The following MYT1 variants were observed in gnomAD, a reference collection of about 807,000 sequenced individuals.
The protein encoded by MYT1 is myelin transcription factor 1, also known as myelin transcription factor I.
In MYT1, 23 loss-of-function variants were observed where a neutral mutation model predicts 123.0. The observed-to-expected ratio is 0.19, with a 90% CI of 0.13 to 0.26. The LOEUF is 0.26. Among genes scored for constraint, MYT1 ranks in the 10% least tolerant of loss-of-function variants. The probability of loss-of-function intolerance (pLI) is 1.00; values close to 1 mark genes in which losing one functional copy is unlikely to be tolerated. For synonymous variants in MYT1, 518 were observed against 575.3 expected (o/e 0.90, Z 1.43); for missense variants, 1,125 against 1,472.5 (o/e 0.76, Z 3.86).
chr20:64,231,714 C>A lies in MYT1; in HGVS notation c.2676-450C>A, dbSNP rs1298468276. 3.3e-5 allele frequency among the ~76,000 whole-genome samples: 5 copies of A among 152,280 alleles called. No homozygotes were observed. The highest frequency in any genetic ancestry group is 7.4e-5 in the Non-Finnish European group (5 of 68,012). On this transcript the variant is annotated intron_variant, in intron 18 of 22. Coordinates refer to ENST00000328439, the MANE Select transcript of MYT1 (RefSeq NM_004535.3). This position sits in a 1 kb window ranked among gnomAD's most constrained non-coding sequence, Gnocchi z 6.4. ...CCCCTGCTTAGGGGACCTTGTCATT[C>A]TTTTGTGATCCATAGGCCCCCAGGC...
At position 64,213,841 on chromosome 20, in the gene MYT1, G is replaced by A. The variant is rs1983756886; in HGVS notation, c.1631+194G>A. Among the ~76,000 whole-genome samples the A allele has an allele frequency of 6.6e-6, 1 of 152,200 alleles. No individual in the cohort carries two copies. The highest frequency in any genetic ancestry group is 2.4e-5 in the African/African-American group (1 of 41,442). On this transcript the variant is annotated intron_variant, in intron 10 of 22. Transcript: ENST00000328439. This position sits in a 1 kb window ranked among gnomAD's most constrained non-coding sequence, Gnocchi z 5.6. Reference sequence around the variant, plus strand: ...AGCAGAACTGCGGGGCAGTTTTGGAGCCACACAGGACAGAGTCTCATGTCT... The same window carrying A: ...AGCAGAACTGCGGGGCAGTTTTGGAACCACACAGGACAGAGTCTCATGTCT...
chr20:64,202,311 G>C lies in MYT1; in HGVS notation c.86+2389G>C, dbSNP rs1453790771. ...TGCCTGAGCGAAGAAGCAGTTTGAT[G>C]GTTTTTCCTTTCACCCCATCGGGAG... is the stretch of plus-strand genomic sequence containing the variant. On this transcript the variant is annotated intron_variant, in intron 4 of 22. Transcript: ENST00000328439. This position sits in a 1 kb window ranked among gnomAD's most constrained non-coding sequence, Gnocchi z 5.0. Among the ~76,000 whole-genome samples, 1 of 152,180 alleles carries C rather than the reference G, an allele frequency of 6.6e-6. No homozygotes were observed. The highest frequency in any genetic ancestry group is 1.5e-5 in the Non-Finnish European group (1 of 68,036).
Position 64,166,554 on chromosome 20 carries a change from G to A in MYT1, c.-99+1815G>A, listed in dbSNP as rs1444806698. Among the ~76,000 whole-genome samples, 1 of 152,092 alleles carries A rather than the reference G, an allele frequency of 6.6e-6. No homozygotes were observed. Among genetic ancestry groups the A allele is most frequent in the African/African-American group, 2.4e-5 (1 of 41,428 alleles). ...GCCTGGTAGCCCTCTTCAGAGACCC[G>A]AGGCAGGGGGGCTGCTTCTGTCCAA... On this transcript the variant is annotated intron_variant, in intron 1 of 22. Coordinates refer to ENST00000328439, the MANE Select transcript of MYT1 (RefSeq NM_004535.3). This position sits in a 1 kb window ranked among gnomAD's most constrained non-coding sequence, Gnocchi z 4.9.
Position 64,208,624 on chromosome 20 carries a change from AC to A in MYT1, c.1291+138del. Reference sequence around the variant, plus strand: ...AAGCAGACAAAAGGACAAATACATGACACAGACTGTGGTCAGATACTGAGCA... The same window carrying A: ...AAGCAGACAAAAGGACAAATACATGAACAGACTGTGGTCAGATACTGAGCA... On this transcript the variant is annotated intron_variant, in intron 7 of 22. Coordinates refer to ENST00000328439, the MANE Select transcript of MYT1 (RefSeq NM_004535.3). The surrounding 1 kb of genome is among the most constrained non-coding windows in gnomAD (Gnocchi z 5.4). 7.2e-7 allele frequency: 1 copy of A among 1,387,508 alleles called. No homozygotes were observed. Among genetic ancestry groups the A allele is most frequent in the Non-Finnish European group, 9.5e-7 (1 of 1,052,014 alleles). The allele number at this position is 1,387,508 out of a possible 1,614,324, so 85.9% of individuals were successfully genotyped here.
In MYT1 at chr20:64,211,903, G is replaced by A. The variant is rs191004786; in HGVS notation, c.1427-145G>A. On this transcript the variant is annotated intron_variant, in intron 8 of 22. Coordinates refer to ENST00000328439, the MANE Select transcript of MYT1 (RefSeq NM_004535.3). ...GGCTCTTGGGGGCTGGAGCTGCCCT[G>A]CGTTGCTGTGTCCCCCACCTGCCTA... 3.8e-3 allele frequency: 2,610 copies of A among 690,584 alleles called. 7 individuals carry two copies. Among genetic ancestry groups the A allele is most frequent in the Non-Finnish European group, 5.0e-3 (1,919 of 384,912 alleles). The allele number at this position is 690,584 out of a possible 1,614,324, so 42.8% of individuals were successfully genotyped here. A position where few individuals can be genotyped will look rare whatever the true frequency, so the allele number is the denominator to read the frequency against.
At position 64,237,439 on chromosome 20, in the gene MYT1, A is replaced by G. The variant is rs1476655832; in HGVS notation, c.3093+49A>G. 3 of 1,426,878 alleles carry G rather than the reference A, an allele frequency of 2.1e-6. No homozygotes were observed. The African/African-American group carries it at 4.2e-5, about 20-fold the overall frequency. The allele number at this position is 1,426,878 out of a possible 1,614,324, so 88.4% of individuals were successfully genotyped here. On this transcript the variant is annotated intron_variant, in intron 21 of 22. Transcript: ENST00000328439. ...CTGGGCTCTTTGCCCACCCAACCCA[A>G]ACATTCGTCTTGGGGACAGTGAGGC...
chr20:64,224,860 A>G (rs1984122899), intron 16 of MYT1, among the ~76,000 whole-genome samples: 1 of 152,192 alleles, frequency 6.6e-6, no homozygotes, highest in Non-Finnish European at 1.5e-5. Context: ...AAATGTCACC[A>G]TGTCCTTTCT....
intron 1 of MYT1, among the ~76,000 whole-genome samples, chr20:64,172,709 A>G (rs1982322266): frequency 6.6e-6 from 1 of 150,460 alleles, no homozygotes; most frequent in African/African-American, 2.4e-5. Flanking sequence ...AGACGCCCCC[A>G]AACCCAGTGC....
chr20:64,204,630 T>C (rs1983426567), intron 4 of MYT1, among the ~76,000 whole-genome samples: 1 of 152,214 alleles, frequency 6.6e-6, no homozygotes, highest in African/African-American at 2.4e-5. Flanking sequence ...ATAGGCCTTA[T>C]GGCATTAGTG....
Position 64,193,669 on chromosome 20 carries a change from C to T in MYT1, c.-1+3509C>T, listed in dbSNP as rs531656004. Among the ~76,000 whole-genome samples the T allele has an allele frequency of 5.9e-5, 9 of 152,162 alleles. No homozygotes were observed. The South Asian group carries it at 1.5e-3, about 25-fold the overall frequency. On this transcript the variant is annotated intron_variant, in intron 2 of 22. Coordinates refer to ENST00000328439, the MANE Select transcript of MYT1 (RefSeq NM_004535.3). The surrounding 1 kb of genome is among the most constrained non-coding windows in gnomAD (Gnocchi z 4.0). ...CAGTTTCTGGCCACCTCCTCACCCCCCACTCTTCACTGGCCCCTTCCTTCT... is the reference window on the plus strand; with the variant it reads ...CAGTTTCTGGCCACCTCCTCACCCCTCACTCTTCACTGGCCCCTTCCTTCT...
At chr20:64,215,239 G>C (rs1175281448) in intron 10 of MYT1, among the ~76,000 whole-genome samples, 2 of 152,174 alleles carry the variant, frequency 1.3e-5, no homozygotes, top group South Asian at 4.1e-4. Flanking sequence ...TGTCAAACAG[G>C]CTCCAACTTT....
At chr20:64,240,171 C>A in intron 22 of MYT1, 149 bp from the exon 23 acceptor site, 1 of 1,181,404 alleles carries the variant, frequency 8.5e-7, no homozygotes, top group Non-Finnish European at 1.2e-6. Context: ...GCTGGGATGG[C>A]TGCAGAGAGG....
Position 64,232,322 on chromosome 20 carries a change from C to G in MYT1, c.2834C>G (p.Thr945Ser). The change falls in exon 19 of 23, where the codon ACC becomes AGC. Residue 945 changes from threonine to serine, a missense_variant. Thr to Ser is a moderately conservative substitution (Grantham distance 58). Transcript: ENST00000328439. This position sits in a 1 kb window ranked among gnomAD's most constrained non-coding sequence, Gnocchi z 6.9. ...AAGTCCCTGAAGAATGAAGGACCGA[C>G]CTGCCCCACCCCGGGCTGTGACGGC... Reference protein sequence around the residue: ...SWKSLKNEGPTCPTPGCDGSG... With the variant: ...SWKSLKNEGPSCPTPGCDGSG... 1 of 1,613,044 alleles carries G rather than the reference C, an allele frequency of 6.2e-7. No individual in the cohort carries two copies. The highest frequency in any genetic ancestry group is 8.5e-7 in the Non-Finnish European group (1 of 1,180,006).
chr20:64,233,019 G>A (rs1984368673), intron 19 of MYT1, among the ~76,000 whole-genome samples: 1 of 151,430 alleles, frequency 6.6e-6, no homozygotes, highest in South Asian at 2.1e-4. Context: ...TGGTGACAAT[G>A]AGTGCCTGGT....
chr20:64,197,819 T>C (rs1983167790), intron 2 of MYT1, among the ~76,000 whole-genome samples: 1 of 152,198 alleles, frequency 6.6e-6, no homozygotes. Context: ...CGGACAATGC[T>C]GTGGGCAGTG....
chr20:64,218,776 A>C lies in MYT1; in HGVS notation c.1847-135A>C. 25 of 1,102,082 alleles carry C rather than the reference A, an allele frequency of 2.3e-5. No individual in the cohort carries two copies. Among genetic ancestry groups the C allele is most frequent in the East Asian group, 5.6e-5 (2 of 35,994 alleles). The allele number at this position is 1,102,082 out of a possible 1,614,324, so 68.3% of individuals were successfully genotyped here. On this transcript the variant is annotated intron_variant, in intron 11 of 22. Coordinates refer to ENST00000328439, the MANE Select transcript of MYT1 (RefSeq NM_004535.3). This position sits in a 1 kb window ranked among gnomAD's most constrained non-coding sequence, Gnocchi z 4.0. ...GCCCCCTCCCCACTGACTTGTCTGCATTGCTGCCTCTTTTCAAGTTGTATA... is the reference window on the plus strand; with the variant it reads ...GCCCCCTCCCCACTGACTTGTCTGCCTTGCTGCCTCTTTTCAAGTTGTATA...
In MYT1 at chr20:64,241,245, TG is replaced by T. The variant is rs1437697220; in HGVS notation, c.*798del. On this transcript the variant is annotated 3_prime_UTR_variant, in exon 23 of 23. Coordinates refer to ENST00000328439, the MANE Select transcript of MYT1 (RefSeq NM_004535.3). The surrounding 1 kb of genome is among the most constrained non-coding windows in gnomAD (Gnocchi z 4.2). ...TCCACCCAGGCCCCCGACCCATCAC[TG>T]CCACATTCTCCGGGTCATGGCCGAG... The T allele has an allele frequency of 6.6e-6, 1 of 152,238 alleles. No individual in the cohort carries two copies. Among genetic ancestry groups the T allele is most frequent in the Non-Finnish European group, 1.5e-5 (1 of 68,046 alleles). The allele number at this position is 152,238 out of a possible 1,614,324, so 9.4% of individuals were successfully genotyped here.
chr20:64,191,568 A>G lies in MYT1; in HGVS notation c.-1+1408A>G, dbSNP rs1982971868. ...GCGTAGGGTGTAGGCAAGGAGGGCT[A>G]TGCAGTTGTAGTGGGAACTTCATTT... On this transcript the variant is annotated intron_variant, in intron 2 of 22. Coordinates refer to ENST00000328439, the MANE Select transcript of MYT1 (RefSeq NM_004535.3). This position sits in a 1 kb window ranked among gnomAD's most constrained non-coding sequence, Gnocchi z 4.1. 6.6e-6 allele frequency: 1 copy of G among 152,246 alleles called. No individual in the cohort carries two copies. Among genetic ancestry groups the G allele is most frequent in the African/African-American group, 2.4e-5 (1 of 41,460 alleles). 9.4% of individuals were successfully genotyped at this position (152,246 alleles called of 1,614,324 possible). A position where few individuals can be genotyped will look rare whatever the true frequency, so the allele number is the denominator to read the frequency against.
In MYT1 at chr20:64,207,837, T is replaced by C. The variant is rs769800095; in HGVS notation, c.641T>C (p.Leu214Pro). 3 of 1,613,480 alleles carry C rather than the reference T, an allele frequency of 1.9e-6. No individual in the cohort carries two copies. In the Admixed American group the frequency reaches 5.0e-5, roughly 27 times the overall value. Residue 214 changes from leucine (L) to proline (P), a missense_variant, in exon 7 of 23, where the codon CTC becomes CCC. Leu to Pro is a moderately conservative substitution (Grantham distance 98). Coordinates refer to ENST00000328439, the MANE Select transcript of MYT1 (RefSeq NM_004535.3). ...GCCAGCGAGGAGGGTGAAAAGGGCC[T>C]CTTCATCCAGCCAGAGGATGCCGAG... is the stretch of plus-strand genomic sequence containing the variant. ...GAASEEGEKG[L>P]FIQPEDAEEV...
Sources: allele counts gnomAD v4.1 joint callset (sites outside exome capture counted in the v4.1 genomes callset), GRCh38; gene constraint gnomAD v4.1.1; non-coding constraint Gnocchi (gnomAD v3.1); transcripts MANE v1.5; gene names NCBI Gene and HGNC (gene_info 2026-07-23, HGNC 2026-07-21).